The following PTPRD variants were observed in gnomAD, a reference collection of about 807,000 sequenced individuals.
PTPRD encodes the protein protein tyrosine phosphatase receptor type D, also known as receptor-type tyrosine-protein phosphatase delta.
In PTPRD, 34 loss-of-function variants were observed where a neutral mutation model predicts 214.5. The observed-to-expected ratio is 0.16, with a 90% CI of 0.12 to 0.21. The LOEUF (loss-of-function observed/expected upper bound fraction) is 0.21, where lower values mean the gene tolerates loss of function less well. Among genes scored for constraint, PTPRD ranks in the 10% least tolerant of loss-of-function variants. The probability of loss-of-function intolerance (pLI) is 1.00; values close to 1 mark genes in which losing one functional copy is unlikely to be tolerated. For missense variants in PTPRD, 2,545 were observed against 2,398.7 expected (o/e 1.06, Z -1.27); for synonymous variants, 1,128 against 845.7 (o/e 1.33, Z -5.79).
chr9:9,892,575 T>C (rs1323492269), intron 5 of PTPRD, among the ~76,000 whole-genome samples: 5 of 152,062 alleles, frequency 3.3e-5, no homozygotes, highest in Non-Finnish European at 4.4e-5. Context: ...ACATTGGAAC[T>C]AGTAAGATGA....
chr9:9,765,523 A>G lies in PTPRD; in HGVS notation c.-326+1287T>C, dbSNP rs1229335337. Among the ~76,000 whole-genome samples, 5 of 152,336 alleles carry G rather than the reference A, an allele frequency of 3.3e-5. No individual in the cohort carries two copies. The East Asian group carries it at 9.7e-4, about 29-fold the overall frequency. On this transcript the variant is annotated intron_variant, in intron 6 of 45. Coordinates refer to ENST00000381196, the MANE Select transcript of PTPRD (RefSeq NM_002839.4). The stretch of plus-strand genomic sequence containing the variant: ...ATGTGTGGGGCTGGAAGAACCTTGA[A>G]TAGGATAGCTGATGTAGAGAAGTTT...
intron 2 of PTPRD, among the ~76,000 whole-genome samples, chr9:10,488,787 AG>A (rs1487543621): frequency 6.6e-6 from 1 of 151,986 alleles, no homozygotes; most frequent in African/African-American, 2.4e-5. Context: ...ATGTTCCCTT[AG>A]GGCCCAAAGT....
chr9:9,566,392 G>A (rs1448188151), intron 8 of PTPRD, among the ~76,000 whole-genome samples: 2 of 151,950 alleles, frequency 1.3e-5, no homozygotes, highest in Non-Finnish European at 2.9e-5. Flanking sequence ...ACAGCAATAA[G>A]CAATGGTGTT....
At chr9:10,414,668 G>C in intron 2 of PTPRD, among the ~76,000 whole-genome samples, 1 of 151,860 alleles carries the variant, frequency 6.6e-6, no homozygotes, top group East Asian at 1.9e-4. Context: ...ATTCACAATA[G>C]CAAAGACATG....
At chr9:10,245,837 A>G (rs537401768) in intron 3 of PTPRD, among the ~76,000 whole-genome samples, 1 of 152,236 alleles carries the variant, frequency 6.6e-6, no homozygotes, top group African/African-American at 2.4e-5. Flanking sequence ...TCAAATAAGG[A>G]AGAGATAGTA....
chr9:8,689,124 G>C (rs558972302), intron 12 of PTPRD, among the ~76,000 whole-genome samples: 1 of 152,160 alleles, frequency 6.6e-6, no homozygotes. Context: ...TCACTAAAGT[G>C]ACTCTGAGAA....
At chr9:10,481,428 G>A (rs968817635) in intron 2 of PTPRD, among the ~76,000 whole-genome samples, 4 of 151,936 alleles carry the variant, frequency 2.6e-5, no homozygotes, top group African/African-American at 4.8e-5. Context: ...AGATATCACC[G>A]ACTCAGAAAT....
chr9:9,028,372 C>T (rs1199482957), intron 10 of PTPRD, among the ~76,000 whole-genome samples: 2 of 151,866 alleles, frequency 1.3e-5, no homozygotes, highest in Non-Finnish European at 2.9e-5. Context: ...TAGCAGGTCA[C>T]CTGACTTTCT....
At chr9:8,828,275 T>C (rs2097213808) in intron 11 of PTPRD, among the ~76,000 whole-genome samples, 1 of 152,212 alleles carries the variant, frequency 6.6e-6, no homozygotes, top group Admixed American at 6.5e-5. Context: ...TAATACTCAA[T>C]GTGATGGTAT....
chr9:9,515,529 A>T (rs946812464), intron 8 of PTPRD, among the ~76,000 whole-genome samples: 7 of 152,118 alleles, frequency 4.6e-5, no homozygotes, highest in Non-Finnish European at 1.0e-4. Flanking sequence ...TACATATAAG[A>T]GAGAATGGTG....
intron 8 of PTPRD, among the ~76,000 whole-genome samples, chr9:9,463,029 T>A (rs762597043): frequency 6.6e-6 from 1 of 151,830 alleles, no homozygotes; most frequent in Non-Finnish European, 1.5e-5. Context: ...GGCATCTAGT[T>A]TCCAAGAGAC....
chr9:8,810,856 CTG>C (rs2096788103), intron 11 of PTPRD, among the ~76,000 whole-genome samples: 1 of 152,134 alleles, frequency 6.6e-6, no homozygotes. Flanking sequence ...ACAGTCTTCC[CTG>C]TGGATGAGGG....
chr9:10,017,828 C>A (rs114975288), intron 4 of PTPRD, among the ~76,000 whole-genome samples: 3,676 of 152,006 alleles, frequency 0.024, 145 homozygotes, highest in African/African-American at 0.082. Context: ...CTTGATGAAA[C>A]TTTCCCCAAT....
chr9:8,431,793 T>G (rs902464002), intron 35 of PTPRD, among the ~76,000 whole-genome samples: 2 of 152,212 alleles, frequency 1.3e-5, no homozygotes, highest in Non-Finnish European at 2.9e-5. Flanking sequence ...GGAATTTCAA[T>G]TTTATTGTGT....
chr9:10,257,034 G>C (rs749756909), intron 3 of PTPRD, among the ~76,000 whole-genome samples: 3 of 152,044 alleles, frequency 2.0e-5, no homozygotes, highest in Admixed American at 6.6e-5. Context: ...ATTTTGGTTA[G>C]AATCTGTTTC....
intron 11 of PTPRD, among the ~76,000 whole-genome samples, chr9:8,989,030 T>C (rs1445328665): frequency 1.3e-5 from 2 of 152,134 alleles, no homozygotes; most frequent in African/African-American, 4.8e-5. Context: ...TTAATATTAG[T>C]AGTTGTTTTG....
At chr9:8,633,188 A>G in intron 14 of PTPRD, 129 bp downstream of exon 14, 1 of 1,188,834 alleles carries the variant, frequency 8.4e-7, no homozygotes, top group Non-Finnish European at 1.2e-6. Flanking sequence ...TTAAAGTTCA[A>G]GTCTTACAAA....
intron 9 of PTPRD, among the ~76,000 whole-genome samples, chr9:9,303,078 G>T (rs1303736827): frequency 1.3e-5 from 2 of 151,764 alleles, no homozygotes; most frequent in African/African-American, 2.4e-5. Flanking sequence ...AATCTAATTT[G>T]CAAAGGCATT....
intron 4 of PTPRD, among the ~76,000 whole-genome samples, chr9:10,012,886 AAC>A (rs774471262): frequency 3.7e-4 from 56 of 151,920 alleles, no homozygotes; most frequent in Non-Finnish European, 5.2e-4. Context: ...CAACCCAGCA[AAC>A]ACAGTCAAAT....
Sources: allele counts gnomAD v4.1 joint callset (sites outside exome capture counted in the v4.1 genomes callset), GRCh38; gene constraint gnomAD v4.1.1; transcripts MANE v1.5; gene names NCBI Gene and HGNC (gene_info 2026-07-23, HGNC 2026-07-21).